SWT1: variants seen among roughly 807,000 people sequenced by gnomAD.
SWT1 encodes SWT1 RNA endoribonuclease homolog.
In SWT1, 33 loss-of-function variants were observed where a neutral mutation model predicts 107.3. The ratio of observed to expected loss-of-function variants is 0.31; its 90% CI spans 0.23 to 0.41. SWT1 has a LOEUF of 0.41. Among genes scored for constraint, SWT1 ranks in the 10% least tolerant of loss-of-function variants. The pLI, the probability that SWT1 is intolerant of heterozygous loss-of-function variation, is 1.00. For missense variants in SWT1, 898 were observed against 1,028.9 expected, an observed-to-expected ratio of 0.87 and a Z score of 1.74; for synonymous variants, 345 against 348.3, an observed-to-expected ratio of 0.99 and a Z score of 0.11.
chr1:185,158,608 C>A (rs187677903), intron 1 of SWT1, among the ~76,000 whole-genome samples: 4 of 151,622 alleles, frequency 2.6e-5, no homozygotes, highest in Non-Finnish European at 5.9e-5. Context: ...TCATTTAACA[C>A]CAGCTGGAAA....
chr1:185,194,896 ACT>A (rs1405287617), intron 10 of SWT1, among the ~76,000 whole-genome samples: 2 of 151,536 alleles, frequency 1.3e-5, no homozygotes. Flanking sequence ...GATTACTTTG[ACT>A]CTTGGCAGTA....
intron 4 of SWT1, chr1:185,171,856 C>A: frequency 3.0e-6 from 1 of 332,968 alleles, no homozygotes; most frequent in Non-Finnish European, 5.8e-6. Flanking sequence ...GCTGGGACTA[C>A]AGGCGCATGC....
intron 16 of SWT1, among the ~76,000 whole-genome samples, chr1:185,266,904 A>G (rs1663443533): frequency 2.0e-5 from 3 of 152,198 alleles, no homozygotes; most frequent in Admixed American, 2.0e-4. Flanking sequence ...ACATGAAATA[A>G]TTTGCCAGAA....
chr1:185,290,111 GCAAAA>G (rs546638738), intron 18 of SWT1, among the ~76,000 whole-genome samples: 27 of 151,332 alleles, frequency 1.8e-4, no homozygotes, highest in South Asian at 4.2e-4. Context: ...AAAAAAAAAA[GCAAAA>G]CAAAACAAAA....
At chr1:185,269,522 C>T (rs1663695643) in intron 16 of SWT1, among the ~76,000 whole-genome samples, 1 of 151,720 alleles carries the variant, frequency 6.6e-6, no homozygotes, top group African/African-American at 2.4e-5. Context: ...GACTATGTCC[C>T]GAAAAACTAT....
chr1:185,291,398 T>G lies in SWT1; in HGVS notation c.*595T>G, dbSNP rs1415619779. ...TTATACAGCCTTTCCTTCTGTGGGC[T>G]TGTCACTTTTCAGTACATTTCTAGT... On this transcript the variant is annotated 3_prime_UTR_variant, in exon 19 of 19. Coordinates refer to ENST00000367500, the MANE Select transcript of SWT1 (RefSeq NM_017673.7). 6.6e-6 allele frequency: 1 copy of G among 152,638 alleles called. No individual in the cohort carries two copies. The highest frequency in any genetic ancestry group is 1.5e-5 in the Non-Finnish European group (1 of 68,036). The allele number at this position is 152,638 out of a possible 1,614,324, so 9.5% of individuals were successfully genotyped here.
intron 14 of SWT1, among the ~76,000 whole-genome samples, chr1:185,218,414 A>T (rs1373511896): frequency 6.6e-6 from 1 of 152,106 alleles, no homozygotes; most frequent in Non-Finnish European, 1.5e-5. Flanking sequence ...GTGTCAAATG[A>T]TCCTCCAGCC....
At chr1:185,157,406 C>A (rs1216819991) in intron 1 of SWT1, 92 bp downstream of exon 1, 1 of 152,580 alleles carries the variant, frequency 6.6e-6, no homozygotes, top group African/African-American at 2.4e-5. Context: ...GCCGGCCGGA[C>A]TGGGGACTCA....
At chr1:185,173,144 G>A (rs1655231077) in intron 4 of SWT1, among the ~76,000 whole-genome samples, 1 of 151,376 alleles carries the variant, frequency 6.6e-6, no homozygotes, top group African/African-American at 2.4e-5. Context: ...TTTATTAGCT[G>A]TTTTCTTTTA....
chr1:185,200,706 CTTAG>C (rs1657798459), intron 10 of SWT1, among the ~76,000 whole-genome samples: 1 of 152,184 alleles, frequency 6.6e-6, no homozygotes, highest in Non-Finnish European at 1.5e-5. Flanking sequence ...GGAGGTGTCT[CTTAG>C]TTAGGGGGCA....
At chr1:185,189,405 A>G (rs1362782950) in intron 9 of SWT1, among the ~76,000 whole-genome samples, 1 of 151,918 alleles carries the variant, frequency 6.6e-6, no homozygotes, top group East Asian at 1.9e-4. Context: ...TTACCTTCCT[A>G]GGGCCCATAT....
chr1:185,199,797 C>T (rs1352215847), intron 10 of SWT1, among the ~76,000 whole-genome samples: 2 of 152,172 alleles, frequency 1.3e-5, no homozygotes, highest in East Asian at 3.9e-4. Context: ...GCCTGTCCTG[C>T]TAGGTTGGGG....
At chr1:185,223,397 A>C (rs1659821255) in intron 15 of SWT1, among the ~76,000 whole-genome samples, 1 of 152,016 alleles carries the variant, frequency 6.6e-6, no homozygotes, top group Non-Finnish European at 1.5e-5. Flanking sequence ...GGTTGGTCTC[A>C]AACTCCTGCA....
At chr1:185,178,782 T>C (rs1655785821) in intron 5 of SWT1, among the ~76,000 whole-genome samples, 1 of 152,016 alleles carries the variant, frequency 6.6e-6, no homozygotes, top group Admixed American at 6.5e-5. Context: ...TTTAAAGTTA[T>C]ATGGAGAAGG....
At chr1:185,237,968 C>A (rs1191035349) in intron 16 of SWT1, among the ~76,000 whole-genome samples, 2 of 150,800 alleles carry the variant, frequency 1.3e-5, no homozygotes, top group African/African-American at 2.4e-5. Context: ...GCTCTGCTAC[C>A]TTTTAGCATG....
intron 16 of SWT1, among the ~76,000 whole-genome samples, chr1:185,256,058 A>C (rs1334520418): frequency 2.6e-5 from 4 of 151,234 alleles, no homozygotes; most frequent in African/African-American, 9.7e-5. Flanking sequence ...TTGGCTGGAT[A>C]TGAAATTCTG....
At chr1:185,176,667 G>A in intron 5 of SWT1, 1 of 985,360 alleles carries the variant, frequency 1.0e-6, no homozygotes, top group Non-Finnish European at 1.2e-6. Context: ...GGATGGTTAA[G>A]CCTACCTGCT....
At position 185,160,906 on chromosome 1, in the gene SWT1, C is replaced by T; in HGVS notation, c.65C>T (p.Ser22Leu). The change falls in exon 2 of 19, where the codon TCA (serine) becomes TTA (leucine). Residue 22 changes from serine to leucine, a missense_variant. Ser to Leu is a moderately radical substitution (Grantham distance 145). This residue lies in a region of SWT1 where 382 missense variants were observed against 362.4 expected (regional missense o/e 1.05). Transcript: ENST00000367500. ...CAGAGGAAAGACACCACCACCTCAT[C>T]ACCCAATTTTGGTGAAAAAGTAAGA... ...TSQRKDTTTS[S>L]PNFGEKDKKE... 6.2e-7 allele frequency: 1 copy of T among 1,612,432 alleles called. No individual in the cohort carries two copies. Among genetic ancestry groups the T allele is most frequent in the East Asian group, 2.2e-5 (1 of 44,810 alleles).
At chr1:185,237,535 A>ACAGGGAGGGGAACATCACC (rs1660976481) in intron 16 of SWT1, among the ~76,000 whole-genome samples, 2 of 152,112 alleles carry the variant, frequency 1.3e-5, no homozygotes, top group African/African-American at 4.8e-5. Flanking sequence ...GGAACATCAC[A>ACAGGGAGGGGAACATCACC]CACTGGGGCC....
Sources: allele counts gnomAD v4.1 joint callset (sites outside exome capture counted in the v4.1 genomes callset), GRCh38; gene constraint gnomAD v4.1.1; regional missense constraint gnomAD v4.1.1; transcripts MANE v1.5; gene names NCBI Gene and HGNC (gene_info 2026-07-23, HGNC 2026-07-21).